Variants in FAM171B observed in about 807,000 individuals in gnomAD.
The protein encoded by FAM171B is protein FAM171B.
FAM171B carries 19 observed loss-of-function variants against 75.6 expected under a neutral mutation model. The observed-to-expected ratio is 0.25, with a 90% confidence interval of 0.18 to 0.37. The LOEUF (loss-of-function observed/expected upper bound fraction) is 0.37, where lower values mean the gene tolerates loss of function less well. Ranked by LOEUF, FAM171B falls within the 10% of genes least tolerant of loss-of-function variation. The pLI is 1.00. For missense variants in FAM171B, 848 were observed against 982.4 expected, an observed-to-expected ratio of 0.86 and a Z score of 1.83; for synonymous variants, 367 against 361.7, an observed-to-expected ratio of 1.01 and a Z score of -0.17.
Position 186,756,460 on chromosome 2 carries a change from A to G in FAM171B, c.1012+2411A>G, listed in dbSNP as rs112222830. On this transcript the variant is annotated intron_variant, in intron 6 of 7. Transcript: ENST00000304698. ...AGTCTGCTCAGGCAGCCATAACAAA[A>G]TAACTGCAGAGTAGTAACTGGCTAT... Among the ~76,000 whole-genome samples the G allele has an allele frequency of 8.0e-3, 1,217 of 152,286 alleles. 20 individuals are homozygous for G. The highest frequency in any genetic ancestry group is 0.028 in the African/African-American group (1,161 of 41,568).
intron 1 of FAM171B, among the ~76,000 whole-genome samples, chr2:186,707,804 A>G (rs781748520): frequency 6.6e-6 from 1 of 151,454 alleles, no homozygotes; most frequent in Non-Finnish European, 1.5e-5. Context: ...ATTACATTCA[A>G]ACTTCAGATA....
In FAM171B at chr2:186,725,343, C is replaced by CAA. The variant is rs35999085; in HGVS notation, c.239-14871_239-14870dup. On this transcript the variant is annotated intron_variant, in intron 1 of 7. Transcript: ENST00000304698. ...TGGGCGACAGAGCGAGACTCTGTCT[C>CAA]AAAAAAAAAAAAAAAGAATTTTACT... Among the ~76,000 whole-genome samples, 756 of 126,870 alleles carry CAA rather than the reference C, an allele frequency of 6.0e-3. 10 individuals carry two copies. The highest frequency in any genetic ancestry group is 0.012 in the African/African-American group (398 of 32,842). The allele number at this position is 126,870 out of a possible 152,430, so 83.2% of individuals were successfully genotyped here.
At chr2:186,757,180 T>C (rs1370095000) in intron 6 of FAM171B, among the ~76,000 whole-genome samples, 1 of 152,148 alleles carries the variant, frequency 6.6e-6, no homozygotes. Context: ...CTTCTAAGCA[T>C]GGCTTGTTGG....
chr2:186,753,107 G>A (rs1307801900), intron 5 of FAM171B, among the ~76,000 whole-genome samples: 2 of 152,050 alleles, frequency 1.3e-5, no homozygotes, highest in African/African-American at 2.4e-5. Context: ...AGAATCTGGA[G>A]AGTCATGATT....
At chr2:186,743,128 A>G (rs528149854) in intron 2 of FAM171B, among the ~76,000 whole-genome samples, 2 of 152,238 alleles carry the variant, frequency 1.3e-5, no homozygotes, top group South Asian at 4.2e-4. Context: ...TTAAATCTTA[A>G]TAAGTAAAAA....
In FAM171B at chr2:186,743,604, C is replaced by T. The variant is rs74449843; in HGVS notation, c.565+29C>T. 815 of 1,386,594 alleles carry T rather than the reference C, an allele frequency of 5.9e-4. 5 individuals carry two copies. The African/African-American group carries it at 0.01, about 18-fold the overall frequency. 85.9% of individuals were successfully genotyped at this position (1,386,594 alleles called of 1,614,324 possible). Reference sequence around the variant, plus strand: ...AGTACCATACTTCTTACTAAGTAAACACTTAAAGTTATTGTCGTATAACTG... The same window carrying T: ...AGTACCATACTTCTTACTAAGTAAATACTTAAAGTTATTGTCGTATAACTG... On this transcript the variant is annotated intron_variant, in intron 3 of 7. Transcript: ENST00000304698.
Position 186,762,844 on chromosome 2 carries a change from C to A in FAM171B, c.*21C>A. 1 of 1,591,020 alleles carries A rather than the reference C, an allele frequency of 6.3e-7. No individual in the cohort carries two copies. The highest frequency in any genetic ancestry group is 1.2e-5 in the South Asian group (1 of 86,838). The stretch of plus-strand genomic sequence containing the variant: ...ATTAACTCCAATGGGGATTGTGTGT[C>A]TGCTGTCTCGTGCTGTTTATTCTTG... On this transcript the variant is annotated 3_prime_UTR_variant, in exon 8 of 8. Coordinates refer to ENST00000304698, the MANE Select transcript of FAM171B (RefSeq NM_177454.4). The surrounding 1 kb of genome is among the most constrained non-coding windows in gnomAD (Gnocchi z 4.0).
chr2:186,723,807 C>A (rs1429758417), intron 1 of FAM171B, among the ~76,000 whole-genome samples: 1 of 152,162 alleles, frequency 6.6e-6, no homozygotes, highest in Non-Finnish European at 1.5e-5. Context: ...ACTTCAAGGC[C>A]GTCTACCTCA....
rs542640471 is a variant in FAM171B, at chr2:186,763,403, A to C, written c.*580A>C. 6.6e-6 allele frequency: 1 copy of C among 152,282 alleles called. No homozygotes were observed. The highest frequency in any genetic ancestry group is 2.4e-5 in the African/African-American group (1 of 41,564). The allele number at this position is 152,282 out of a possible 1,614,324, so 9.4% of individuals were successfully genotyped here. ...AACGTAAATCCTACATTTATATAAG[A>C]TGGGCAAGAAGCTACTTGGTCATTA... On this transcript the variant is annotated 3_prime_UTR_variant, in exon 8 of 8. Coordinates refer to ENST00000304698, the MANE Select transcript of FAM171B (RefSeq NM_177454.4).
chr2:186,735,523 A>G (rs1390066165), intron 1 of FAM171B, among the ~76,000 whole-genome samples: 3 of 152,174 alleles, frequency 2.0e-5, no homozygotes, highest in Non-Finnish European at 4.4e-5. Context: ...CATCCTCCTA[A>G]CCCGATGATC....
intron 1 of FAM171B, among the ~76,000 whole-genome samples, chr2:186,730,154 T>C (rs376575449): frequency 7.6e-4 from 115 of 152,240 alleles, no homozygotes; most frequent in African/African-American, 2.7e-3. Context: ...AGAGACAGGG[T>C]TTTACCATGT....
intron 1 of FAM171B, among the ~76,000 whole-genome samples, chr2:186,717,428 G>A (rs1689889885): frequency 6.6e-6 from 1 of 152,158 alleles, no homozygotes; most frequent in South Asian, 2.1e-4. Flanking sequence ...CTGGTATTAA[G>A]AGGAGAGATC....
chr2:186,760,378 T>C (rs1166626041), intron 6 of FAM171B, among the ~76,000 whole-genome samples: 1 of 152,162 alleles, frequency 6.6e-6, no homozygotes, highest in Non-Finnish European at 1.5e-5. Flanking sequence ...CTTAATTTGG[T>C]AAATCCTTTT....
At chr2:186,731,976 C>T (rs987276889) in intron 1 of FAM171B, among the ~76,000 whole-genome samples, 1 of 152,094 alleles carries the variant, frequency 6.6e-6, no homozygotes, top group African/African-American at 2.4e-5. Flanking sequence ...GCTCAGGGCT[C>T]CCGCTGAGGG....
In FAM171B at chr2:186,761,550, C is replaced by T; in HGVS notation, c.1208C>T (p.Thr403Ile). 6.2e-7 allele frequency: 1 copy of T among 1,607,286 alleles called. No individual in the cohort carries two copies. Among genetic ancestry groups the T allele is most frequent in the African/African-American group, 1.3e-5 (1 of 74,694 alleles). The change falls in exon 8 of 8, where the codon ACA (threonine) becomes ATA (isoleucine). Residue 403 changes from threonine to isoleucine, a missense_variant. Coordinates refer to ENST00000304698, the MANE Select transcript of FAM171B (RefSeq NM_177454.4). ...CTTGAGGTCCTCAAGAGAGACCAGA[C>T]AACTTCAACAACACACATAAATCAT... ...TKLEVLKRDQ[T>I]TSTTHINHIS... is the part of the protein sequence containing the mutation.
chr2:186,747,279 T>C (rs1371247204), intron 4 of FAM171B, 29 bp downstream of exon 4: 25 of 1,453,954 alleles, frequency 1.7e-5, no homozygotes, highest in Non-Finnish European at 2.2e-5. Flanking sequence ...ATAATATAGT[T>C]ATAAGAAACA....
intron 3 of FAM171B, among the ~76,000 whole-genome samples, 182 bp downstream of exon 3, chr2:186,743,757 T>C (rs1018568199): frequency 2.8e-4 from 42 of 152,200 alleles, no homozygotes; most frequent in African/African-American, 9.6e-4. Context: ...GTGGGCTTTT[T>C]TGTATAGCAG....
At position 186,765,589 on chromosome 2, in the gene FAM171B, GA is replaced by G. The variant is rs1690687603; in HGVS notation, c.*2768del. ...ATCATTTTCAGACCACTATGTGTTT[GA>G]ATCCTCTGGTATCAATACGTATTAT... On this transcript the variant is annotated 3_prime_UTR_variant, in exon 8 of 8. Coordinates refer to ENST00000304698, the MANE Select transcript of FAM171B (RefSeq NM_177454.4). 1 of 151,994 alleles carries G rather than the reference GA, an allele frequency of 6.6e-6. No homozygotes were observed. Among genetic ancestry groups the G allele is most frequent in the South Asian group, 2.1e-4 (1 of 4,826 alleles). 9.4% of individuals were successfully genotyped at this position (151,994 alleles called of 1,614,324 possible). A position where few individuals can be genotyped will look rare whatever the true frequency, so the allele number is the denominator to read the frequency against.
At chr2:186,696,753 A>G (rs888829994) in intron 1 of FAM171B, among the ~76,000 whole-genome samples, 15 of 152,034 alleles carry the variant, frequency 9.9e-5, no homozygotes, top group African/African-American at 3.6e-4. Flanking sequence ...CAAGTGTCTC[A>G]GTAACTGACA....
Sources: allele counts gnomAD v4.1 joint callset (sites outside exome capture counted in the v4.1 genomes callset), GRCh38; gene constraint gnomAD v4.1.1; non-coding constraint Gnocchi (gnomAD v3.1); transcripts MANE v1.5; gene names NCBI Gene and HGNC (gene_info 2026-07-23, HGNC 2026-07-21).